The following CORO7 variants were observed in gnomAD, a reference collection of about 807,000 sequenced individuals.
CORO7 encodes coronin-7.
In CORO7, 107 loss-of-function variants were observed where a neutral mutation model predicts 126.6. That is an observed-to-expected ratio of 0.85 (90% CI 0.72 to 0.99). The LOEUF (loss-of-function observed/expected upper bound fraction) is 0.99, where lower values mean the gene tolerates loss of function less well. CORO7 is among the 50% of genes least tolerant of loss of function. CORO7 has a pLI of 0.00. For synonymous variants in CORO7, 603 were observed against 536.8 expected (o/e 1.12, Z -1.70); for missense variants, 1,314 against 1,255.8 (o/e 1.05, Z -0.70).
At chr16:4,356,566 G>C (rs1353661309) in intron 26 of CORO7, 1 of 153,664 alleles carries the variant, frequency 6.5e-6, no homozygotes, top group Non-Finnish European at 1.4e-5. Context: ...CCGAGTAGCT[G>C]GGATCACAGG....
chr16:4,411,546 T>C (rs1451173539), intron 3 of CORO7, among the ~76,000 whole-genome samples: 1 of 152,106 alleles, frequency 6.6e-6, no homozygotes, highest in African/African-American at 2.4e-5. Context: ...TATATACTTT[T>C]TAAAAATTTT....
Position 4,361,006 on chromosome 16 carries a change from A to G in CORO7, c.1854T>C (p.Thr618=). The stretch of plus-strand genomic sequence containing the variant: ...CAGCCTGAAGGTCCCAGATGCGAAC[A>G]GTGAGGTCATAGGAGGACGAGGCCA... ...NVLASSSYDL[T]VRIWDLQAGA... Residue 618 remains threonine, a synonymous_variant, in exon 19 of 28, where the codon ACT becomes ACC. Coordinates refer to ENST00000251166, the MANE Select transcript of CORO7 (RefSeq NM_024535.5). 1 of 1,613,220 alleles carries G rather than the reference A, an allele frequency of 6.2e-7. No individual in the cohort carries two copies. The highest frequency in any genetic ancestry group is 1.7e-5 in the Admixed American group (1 of 60,022).
chr16:4,392,350 C>T (rs2055424068), intron 7 of CORO7, among the ~76,000 whole-genome samples: 2 of 152,158 alleles, frequency 1.3e-5, no homozygotes, highest in Admixed American at 6.5e-5. Context: ...GCCACAGAAC[C>T]ATCCGACTCT....
chr16:4,359,534 T>G lies in CORO7; in HGVS notation c.2196A>C (p.Ser732=), dbSNP rs1393331356. Residue 732 remains serine (S), a synonymous_variant, in exon 22 of 28, where the codon TCA becomes TCC. Coordinates refer to ENST00000251166, the MANE Select transcript of CORO7 (RefSeq NM_024535.5). ...LAVLGLDVAP[S]TLLPSYDPDT... is the part of the protein sequence containing the mutation. Reference sequence around the variant, plus strand: ...CTGGGTCGTAGCTGGGCAGCAGGGTTGAGGGAGCCACGTCCAGGCCCAACA... The same window carrying G: ...CTGGGTCGTAGCTGGGCAGCAGGGTGGAGGGAGCCACGTCCAGGCCCAACA... The G allele has an allele frequency of 6.2e-7, 1 of 1,613,174 alleles. No homozygotes were observed. Among genetic ancestry groups the G allele is most frequent in the Non-Finnish European group, 8.5e-7 (1 of 1,179,918 alleles).
chr16:4,366,987 C>G (rs2054368136), intron 9 of CORO7, among the ~76,000 whole-genome samples: 1 of 152,190 alleles, frequency 6.6e-6, no homozygotes, highest in Non-Finnish European at 1.5e-5. Flanking sequence ...ACTGCGGTGA[C>G]AAAGGGCCCA....
At chr16:4,364,448 T>C in intron 13 of CORO7, 35 bp from the exon 14 acceptor site, 1 of 1,485,022 alleles carries the variant, frequency 6.7e-7, no homozygotes, top group African/African-American at 1.4e-5. Flanking sequence ...GATGGGGGCA[T>C]GGGCTGCCCG....
In CORO7 at chr16:4,409,652, T is replaced by G. The variant is rs2141326679; in HGVS notation, c.233-1401A>C. 2.6e-5 allele frequency among the ~76,000 whole-genome samples: 4 copies of G among 152,338 alleles called. No individual in the cohort carries two copies. In the South Asian group the frequency reaches 8.3e-4, roughly 32 times the overall value. On this transcript the variant is annotated intron_variant, in intron 3 of 27. Coordinates refer to ENST00000251166, the MANE Select transcript of CORO7 (RefSeq NM_024535.5). ...GAGACAGGGCCAGCTTCAGAACCTG[T>G]GCTGCTCAGCATGACATGCTGCTGC...
At chr16:4,392,371 A>C (rs2055425792) in intron 7 of CORO7, among the ~76,000 whole-genome samples, 1 of 152,074 alleles carries the variant, frequency 6.6e-6, no homozygotes. Context: ...CGGGGTCTGC[A>C]CCTCCGAGGA....
chr16:4,365,135 C>A, intron 10 of CORO7, 75 bp from the exon 11 acceptor site: 1 of 1,542,768 alleles, frequency 6.5e-7, no homozygotes. Flanking sequence ...ATCAGCTCCC[C>A]CACAGGTCCC....
chr16:4,405,493 T>G lies in CORO7; in HGVS notation c.562A>C (p.Lys188Gln). The G allele has an allele frequency of 6.2e-7, 1 of 1,612,126 alleles. No homozygotes were observed. The highest frequency in any genetic ancestry group is 8.5e-7 in the Non-Finnish European group (1 of 1,179,754). Residue 188 changes from lysine to glutamine, a missense_variant and splice_region_variant, in exon 6 of 28, where the codon AAG becomes CAG. By Grantham distance (53) the Lys-to-Gln change is moderately conservative. Transcript: ENST00000251166. ...GGCATCCCCACCTGCCTGCTCACCT[T>G]GCACGCCGTGCCCACCAGGGCTCCA... ...RDGALVGTAC[K>Q]DKQLRIFDPR...
chr16:4,386,706 C>A (rs114540919), intron 9 of CORO7, among the ~76,000 whole-genome samples: 2,173 of 152,316 alleles, frequency 0.014, 52 homozygotes, highest in African/African-American at 0.05. Flanking sequence ...GGTGCCGAAT[C>A]TTGCTCACCT....
intron 24 of CORO7, 75 bp downstream of exon 24, chr16:4,358,292 G>C (rs765612218): frequency 6.4e-7 from 1 of 1,562,902 alleles, no homozygotes; most frequent in East Asian, 2.3e-5. Flanking sequence ...TGGAAGCTGG[G>C]TCAGACGGGA....
intron 23 of CORO7, 54 bp from the exon 24 acceptor site, chr16:4,358,537 G>C: frequency 6.6e-7 from 1 of 1,507,296 alleles, no homozygotes; most frequent in Non-Finnish European, 8.9e-7. Context: ...TCATGGCTGG[G>C]CACGTAGTCT....
In CORO7 at chr16:4,360,352, C is replaced by T. The variant is rs1472526848; in HGVS notation, c.2034G>A (p.Gly678=). Reference sequence around the variant, plus strand: ...TGCGAGCTCCGCGTCCTCCCTTGGGCCCTGGGCCTTCCTGTTGAGATACAT... The same window carrying T: ...TGCGAGCTCCGCGTCCTCCCTTGGGTCCTGGGCCTTCCTGTTGAGATACAT... The part of the protein sequence containing the change: ...SGPEPLQEGP[G]PKGGRGARIV... Residue 678 remains glycine, a synonymous_variant, in exon 21 of 28, where the codon GGG becomes GGA. Transcript: ENST00000251166. The T allele has an allele frequency of 2.5e-6, 4 of 1,613,570 alleles. No homozygotes were observed. The African/African-American group carries it at 4.0e-5, about 16-fold the overall frequency.
Position 4,388,562 on chromosome 16 carries a change from A to G in CORO7, c.685T>C (p.Ser229Pro). ...AWMGTWEHLV[S>P]TGFNQMRERE... ...CCCCCTACCTGGTTGAATCCAGTAGACACAAGGTGCTCCCAGGTGCCCATC... is the reference window on the plus strand; with the variant it reads ...CCCCCTACCTGGTTGAATCCAGTAGGCACAAGGTGCTCCCAGGTGCCCATC... The change falls in exon 8 of 28, where the codon TCT (serine) becomes CCT (proline). Residue 229 changes from serine (S) to proline (P), a missense_variant. Coordinates refer to ENST00000251166, the MANE Select transcript of CORO7 (RefSeq NM_024535.5). The G allele has an allele frequency of 6.2e-7, 1 of 1,612,812 alleles. No individual in the cohort carries two copies. The highest frequency in any genetic ancestry group is 8.5e-7 in the Non-Finnish European group (1 of 1,179,762).
At chr16:4,396,289 G>T (rs2141286294) in intron 6 of CORO7, among the ~76,000 whole-genome samples, 1 of 152,214 alleles carries the variant, frequency 6.6e-6, no homozygotes, top group South Asian at 2.1e-4. Flanking sequence ...CATGTTGGCA[G>T]GCCGGTCTCA....
Position 4,387,984 on chromosome 16 carries a change from AC to A in CORO7, c.785+1del, listed in dbSNP as rs1174301055. 3 of 1,612,848 alleles carry A rather than the reference AC, an allele frequency of 1.9e-6. No individual in the cohort carries two copies. The highest frequency in any genetic ancestry group is 2.5e-6 in the Non-Finnish European group (3 of 1,179,812). On this transcript the variant is annotated splice_donor_variant, in intron 9 of 27. Coordinates refer to ENST00000251166, the MANE Select transcript of CORO7 (RefSeq NM_024535.5). LOFTEE classifies it high-confidence loss of function. Reference sequence around the variant, plus strand: ...AGCCCACCTGCGTGCCGCAGCTCCTACCCAAGCGAGGTGTCCAAGGTGAGGG... The same window carrying A: ...AGCCCACCTGCGTGCCGCAGCTCCTACCAAGCGAGGTGTCCAAGGTGAGGG...
chr16:4,369,167 G>A (rs1330639221), intron 9 of CORO7, among the ~76,000 whole-genome samples: 1 of 152,268 alleles, frequency 6.6e-6, no homozygotes, highest in Non-Finnish European at 1.5e-5. Context: ...GACAGGTCAG[G>A]CCAGTCTTCC....
rs141340048 is a variant in CORO7 at position 4,360,380 on chromosome 16, C to G, written c.2023-17G>C. The G allele has an allele frequency of 6.2e-7, 1 of 1,613,468 alleles. No individual in the cohort carries two copies. The highest frequency in any genetic ancestry group is 1.6e-4 in the Middle Eastern group (1 of 6,062). On this transcript the variant is annotated splice_polypyrimidine_tract_variant and intron_variant, in intron 20 of 27. Coordinates refer to ENST00000251166, the MANE Select transcript of CORO7 (RefSeq NM_024535.5). ...TGGGCCTTCCTGTTGAGATACATCG[C>G]GTGACACCCAGCCAGCACCCCTGAA...
Sources: allele counts gnomAD v4.1 joint callset (sites outside exome capture counted in the v4.1 genomes callset), GRCh38; gene constraint gnomAD v4.1.1; transcripts MANE v1.5; gene names NCBI Gene and HGNC (gene_info 2026-07-23, HGNC 2026-07-21).